LRCH1: variants seen among roughly 807,000 people sequenced by gnomAD.
LRCH1 encodes the protein leucine rich repeats and calponin homology domain containing 1.
A neutral mutation model predicts 94.9 loss-of-function variants in LRCH1; 23 were observed. The ratio of observed to expected loss-of-function variants is 0.24; its 90% CI spans 0.17 to 0.34. The LOEUF (loss-of-function observed/expected upper bound fraction) is 0.34. Among genes scored for constraint, LRCH1 ranks in the 10% least tolerant of loss-of-function variants. The pLI, the probability that LRCH1 is intolerant of heterozygous loss-of-function variation, is 1.00. For missense variants in LRCH1, 790 were observed against 945.9 expected (o/e 0.84, Z 2.16); for synonymous variants, 364 against 354.9 (o/e 1.03, Z -0.29).
At chr13:46,559,552 A>G (rs2050107304) in intron 1 of LRCH1, among the ~76,000 whole-genome samples, 1 of 152,228 alleles carries the variant, frequency 6.6e-6, no homozygotes, top group African/African-American at 2.4e-5. Context: ...TGTCTGTGGT[A>G]TATGGCAAAA....
intron 1 of LRCH1, among the ~76,000 whole-genome samples, chr13:46,567,203 A>G (rs1388737056): frequency 2.6e-5 from 4 of 152,214 alleles, no homozygotes; most frequent in Non-Finnish European, 5.9e-5. Context: ...TAGAATACAA[A>G]TGTTTACATT....
At chr13:46,748,743 A>T (rs1256113938), downstream of LRCH1, among the ~76,000 whole-genome samples, 1 of 152,244 alleles carries the variant, frequency 6.6e-6, no homozygotes, top group Admixed American at 6.5e-5. Flanking sequence ...CATTGACAAG[A>T]TAATCCTACT....
At chr13:46,696,561 T>A (rs553360321) in intron 9 of LRCH1, among the ~76,000 whole-genome samples, 16 of 152,280 alleles carry the variant, frequency 1.1e-4, no homozygotes, top group Non-Finnish European at 1.9e-4. Context: ...TTCCTGGAAA[T>A]GGCTGCCCTA....
intron 1 of LRCH1, among the ~76,000 whole-genome samples, chr13:46,633,925 G>T (rs1269617246): frequency 2.0e-5 from 3 of 149,114 alleles, no homozygotes; most frequent in Non-Finnish European, 4.4e-5. Context: ...CTGTCGCCCG[G>T]CTGGAGTTCA....
chr13:46,650,078 C>CAA, intron 1 of LRCH1, 123 bp from the exon 2 acceptor site: 1 of 596,344 alleles, frequency 1.7e-6, no homozygotes, highest in Non-Finnish European at 2.7e-6. Flanking sequence ...AACAGAGGTG[C>CAA]AAAAAAAAAT....
intron 3 of LRCH1, among the ~76,000 whole-genome samples, chr13:46,677,916 T>C (rs1250570973): frequency 6.6e-6 from 1 of 152,208 alleles, no homozygotes; most frequent in Non-Finnish European, 1.5e-5. Flanking sequence ...ATTTGTGGTA[T>C]TATAGTACTA....
intron 2 of LRCH1, among the ~76,000 whole-genome samples, chr13:46,655,855 G>A (rs1352250157): frequency 6.6e-6 from 1 of 152,182 alleles, no homozygotes; most frequent in African/African-American, 2.4e-5. Flanking sequence ...TCCAGAAGTC[G>A]TGGTGAGTGC....
Position 46,681,751 on chromosome 13 carries a change from G to A in LRCH1, c.590G>A (p.Cys197Tyr), listed in dbSNP as rs145381898. 11 of 1,610,508 alleles carry A rather than the reference G, an allele frequency of 6.8e-6. No homozygotes were observed. Among genetic ancestry groups the A allele is most frequent in the South Asian group, 1.1e-5 (1 of 91,010 alleles). The change falls in exon 4 of 20, where the codon TGC (cysteine) becomes TAC (tyrosine). Residue 197 changes from cysteine (C) to tyrosine (Y), a missense_variant. By Grantham distance (194) the Cys-to-Tyr change is radical. Coordinates refer to ENST00000389797, the MANE Select transcript of LRCH1 (RefSeq NM_001164211.2). ...CTGCTTTTGATACAGGATGTCAGCTGCAACGAGATCACAGCGTTGCCCCAG... is the reference window on the plus strand; with the variant it reads ...CTGCTTTTGATACAGGATGTCAGCTACAACGAGATCACAGCGTTGCCCCAG... The part of the protein sequence containing the change: ...LKQLMELDVS[C>Y]NEITALPQQI...
intron 1 of LRCH1, among the ~76,000 whole-genome samples, chr13:46,637,950 C>T (rs56364662): frequency 0.086 from 13,083 of 152,196 alleles, 666 homozygotes; most frequent in Middle Eastern, 0.16. Context: ...AACAGAAAAG[C>T]GTAATTAATT....
Position 46,588,758 on chromosome 13 carries a change from A to G in LRCH1, c.307+35055A>G, listed in dbSNP as rs567021229. On this transcript the variant is annotated intron_variant, in intron 1 of 19. Transcript: ENST00000389797. ...TGGGATTACAGGCGCCCGCCACTAC[A>G]TCCAGCTAACTTTTTTGTATATTTA... Among the ~76,000 whole-genome samples, 3 of 151,750 alleles carry G rather than the reference A, an allele frequency of 2.0e-5. 1 individual carries two copies. In the South Asian group the frequency reaches 6.3e-4, roughly 32 times the overall value.
chr13:46,708,617 A>G (rs1028741283), intron 13 of LRCH1, among the ~76,000 whole-genome samples: 14 of 152,186 alleles, frequency 9.2e-5, no homozygotes, highest in African/African-American at 3.4e-4. Flanking sequence ...CTGATTTACT[A>G]ACTACCCAAT....
chr13:46,651,190 C>T (rs569287903), intron 2 of LRCH1, among the ~76,000 whole-genome samples: 12 of 152,278 alleles, frequency 7.9e-5, no homozygotes, highest in Non-Finnish European at 1.3e-4. Context: ...CATGTCATTG[C>T]GTCATGTTAG....
intron 1 of LRCH1, among the ~76,000 whole-genome samples, chr13:46,648,336 C>G (rs980001905): frequency 1.2e-4 from 19 of 152,180 alleles, no homozygotes; most frequent in African/African-American, 4.3e-4. Context: ...CACTTGCCAG[C>G]CTGACACTCA....
chr13:46,649,642 C>G (rs9526210), intron 1 of LRCH1, among the ~76,000 whole-genome samples: 1 of 151,678 alleles, frequency 6.6e-6, no homozygotes, highest in Non-Finnish European at 1.5e-5. Context: ...GTTATGGGTT[C>G]ATTTGTAAAG....
intron 8 of LRCH1, 60 bp from the exon 9 acceptor site, chr13:46,694,833 T>C: frequency 6.4e-7 from 1 of 1,557,258 alleles, no homozygotes; most frequent in Non-Finnish European, 8.8e-7. Flanking sequence ...GAAGATCAGC[T>C]GTGTTTTGCT....
chr13:46,557,286 T>C (rs2050076480), intron 1 of LRCH1, among the ~76,000 whole-genome samples: 1 of 151,944 alleles, frequency 6.6e-6, no homozygotes, highest in South Asian at 2.1e-4. Flanking sequence ...AAGTGGCTGA[T>C]TGCAGGAGGT....
At chr13:46,629,771 G>A (rs2050997153) in intron 1 of LRCH1, among the ~76,000 whole-genome samples, 1 of 152,188 alleles carries the variant, frequency 6.6e-6, no homozygotes, top group African/African-American at 2.4e-5. Flanking sequence ...TGATAGATTA[G>A]CTTCCTTCAG....
At chr13:46,720,827 T>C (rs1019515807) in intron 16 of LRCH1, among the ~76,000 whole-genome samples, 1 of 152,204 alleles carries the variant, frequency 6.6e-6, no homozygotes, top group African/African-American at 2.4e-5. Context: ...TTGTACTTGG[T>C]AGATTTATTA....
intron 2 of LRCH1, among the ~76,000 whole-genome samples, chr13:46,651,146 A>T (rs1260632871): frequency 1.3e-5 from 2 of 152,190 alleles, no homozygotes; most frequent in East Asian, 3.8e-4. Context: ...TGAATACAAG[A>T]TCCCCAATTG....
Sources: gnomAD v4.1 joint callset for allele counts (sites outside exome capture counted in the v4.1 genomes callset) on GRCh38, gnomAD v4.1.1 for gene constraint, MANE v1.5 for transcripts, NCBI Gene and HGNC (gene_info 2026-07-23, HGNC 2026-07-21) for gene names.